The following MUSK variants were observed in gnomAD, a reference collection of about 807,000 sequenced individuals.
MUSK encodes muscle, skeletal receptor tyrosine-protein kinase.
MUSK carries 55 observed loss-of-function variants against 88.7 expected under a neutral mutation model. The observed-to-expected ratio is 0.62, with a 90% CI of 0.50 to 0.78. The LOEUF (loss-of-function observed/expected upper bound fraction) is 0.78. Ranked by LOEUF, MUSK falls within the 30% of genes least tolerant of loss-of-function variation. MUSK has a pLI of 0.00. For missense variants in MUSK, 1,015 were observed against 1,074.3 expected (o/e 0.94, Z 0.77); for synonymous variants, 387 against 391.9 (o/e 0.99, Z 0.15).
rs77798024 is a variant in MUSK at position 110,741,702 on chromosome 9, T to C, written c.754-5939T>C. Among the ~76,000 whole-genome samples, 650 of 152,346 alleles carry C rather than the reference T, an allele frequency of 4.3e-3. 5 individuals carry two copies. The highest frequency in any genetic ancestry group is 5.0e-3 in the Non-Finnish European group (343 of 68,038). On this transcript the variant is annotated intron_variant, in intron 6 of 14. Transcript: ENST00000374448. ...AATCATTTTTTTCGTAATTTGTTAA[T>C]AAAATTGTTTCATTTTATCTGTCTA...
At position 110,775,931 on chromosome 9, in the gene MUSK, A is replaced by G. The variant is rs1476938314; in HGVS notation, c.1328A>G (p.Asp443Gly). 6.2e-7 allele frequency: 1 copy of G among 1,613,862 alleles called. No individual in the cohort carries two copies. Among genetic ancestry groups the G allele is most frequent in the South Asian group, 1.1e-5 (1 of 91,082 alleles). ...ECSKLPSMHW[D>G]PTACARLPHL... ...AGCAAGCTTCCCAGCATGCATTGGGACCCCACGGCCTGTGCCAGACTGCCA... is the reference window on the plus strand; with the variant it reads ...AGCAAGCTTCCCAGCATGCATTGGGGCCCCACGGCCTGTGCCAGACTGCCA... The change falls in exon 10 of 15, where the codon GAC (aspartate) becomes GGC (glycine). Residue 443 changes from aspartate to glycine, a missense_variant. By Grantham distance (94) the Asp-to-Gly change is moderately conservative. Coordinates refer to ENST00000374448, the MANE Select transcript of MUSK (RefSeq NM_005592.4).
chr9:110,770,174 G>C (rs2077547606), intron 9 of MUSK, among the ~76,000 whole-genome samples: 1 of 150,108 alleles, frequency 6.7e-6, no homozygotes, highest in African/African-American at 2.4e-5. Flanking sequence ...AATTTCGCAG[G>C]TTTTCATCTT....
chr9:110,712,410 C>G (rs182898420), intron 5 of MUSK, among the ~76,000 whole-genome samples: 104 of 152,168 alleles, frequency 6.8e-4, no homozygotes, highest in Non-Finnish European at 1.3e-3. Context: ...TATCAATATA[C>G]CTTCCTTAAG....
intron 8 of MUSK, among the ~76,000 whole-genome samples, chr9:110,763,200 CATT>C (rs1323268203): frequency 6.6e-6 from 1 of 151,960 alleles, no homozygotes; most frequent in Admixed American, 6.6e-5. Context: ...TCATGATACA[CATT>C]ATATGAAAAA....
chr9:110,711,462 G>A (rs2076670577), intron 5 of MUSK, among the ~76,000 whole-genome samples: 1 of 152,134 alleles, frequency 6.6e-6, no homozygotes, highest in South Asian at 2.1e-4. Flanking sequence ...TGTAAGGGAG[G>A]TCACTTTCAT....
At chr9:110,783,196 G>A (rs768236518) in intron 11 of MUSK, among the ~76,000 whole-genome samples, 54 of 152,056 alleles carry the variant, frequency 3.6e-4, no homozygotes, top group African/African-American at 3.1e-4. Flanking sequence ...CTAATATTTC[G>A]TTTAGGATCT....
chr9:110,778,462 A>G (rs745893097), intron 11 of MUSK, among the ~76,000 whole-genome samples: 5 of 152,018 alleles, frequency 3.3e-5, no homozygotes, highest in Non-Finnish European at 7.4e-5. Flanking sequence ...TTTTCCTTCC[A>G]TCTTTGCTCT....
At chr9:110,704,714 G>A (rs563757486) in intron 5 of MUSK, among the ~76,000 whole-genome samples, 2 of 151,548 alleles carry the variant, frequency 1.3e-5, no homozygotes, top group East Asian at 2.0e-4. Flanking sequence ...GTCCCGGCAC[G>A]ATGGCTCACG....
chr9:110,748,450 A>G (rs2077206381), intron 7 of MUSK, among the ~76,000 whole-genome samples: 1 of 152,190 alleles, frequency 6.6e-6, no homozygotes, highest in Non-Finnish European at 1.5e-5. Flanking sequence ...TTTTCAAGAA[A>G]AAGGCTGACA....
In MUSK at chr9:110,805,129, T is replaced by C. The variant is rs1052244693; in HGVS notation, c.*4141T>C. ...ATTTCTATTTTTCCATTATAAAATGTAATGTTTGGATCATCCTGTTGCTAA... is the reference window on the plus strand; with the variant it reads ...ATTTCTATTTTTCCATTATAAAATGCAATGTTTGGATCATCCTGTTGCTAA... On this transcript the variant is annotated 3_prime_UTR_variant, in exon 15 of 15. Transcript: ENST00000374448. Among the ~76,000 whole-genome samples the C allele has an allele frequency of 2.0e-5, 3 of 151,940 alleles. No homozygotes were observed. The highest frequency in any genetic ancestry group is 2.1e-4 in the South Asian group (1 of 4,824).
chr9:110,707,495 G>A (rs2076614491), intron 5 of MUSK, among the ~76,000 whole-genome samples: 2 of 152,182 alleles, frequency 1.3e-5, no homozygotes, highest in African/African-American at 2.4e-5. Context: ...CTGGCTGAAT[G>A]TAGTGTACTT....
At chr9:110,770,539 T>C (rs575781438) in intron 9 of MUSK, among the ~76,000 whole-genome samples, 3 of 148,292 alleles carry the variant, frequency 2.0e-5, no homozygotes, top group Admixed American at 1.4e-4. Flanking sequence ...TAATTATTTT[T>C]AAATATAAAA....
At chr9:110,786,597 T>G (rs953437324) in intron 13 of MUSK, among the ~76,000 whole-genome samples, 2 of 152,138 alleles carry the variant, frequency 1.3e-5, no homozygotes, top group Non-Finnish European at 2.9e-5. Flanking sequence ...ATTTCTTACA[T>G]TGTTTTAAAT....
chr9:110,689,247 AC>A (rs1295089836), intron 3 of MUSK, among the ~76,000 whole-genome samples: 1 of 116,238 alleles, frequency 8.6e-6, no homozygotes, highest in Non-Finnish European at 1.6e-5. Context: ...AAATATATAA[AC>A]TATATATTTA....
chr9:110,687,698 T>C (rs909733633), intron 3 of MUSK, among the ~76,000 whole-genome samples: 2 of 152,118 alleles, frequency 1.3e-5, no homozygotes, highest in African/African-American at 4.8e-5. Flanking sequence ...GATTCAGCAC[T>C]GAGACAAGTT....
chr9:110,675,474 G>A (rs1401525209), intron 1 of MUSK, among the ~76,000 whole-genome samples: 19 of 150,580 alleles, frequency 1.3e-4, no homozygotes, highest in African/African-American at 4.7e-4. Flanking sequence ...GCCCGCCTCG[G>A]CCTCTCAAAG....
intron 5 of MUSK, among the ~76,000 whole-genome samples, chr9:110,725,314 T>C (rs1040302111): frequency 4.6e-5 from 7 of 151,968 alleles, no homozygotes; most frequent in African/African-American, 7.2e-5. Context: ...GTTTCATTCT[T>C]GTTAGGTGGA....
At chr9:110,676,289 A>ATG (rs1002148756) in intron 1 of MUSK, among the ~76,000 whole-genome samples, 2 of 138,354 alleles carry the variant, frequency 1.4e-5, no homozygotes, top group African/African-American at 2.6e-5. Flanking sequence ...TCTCTCATAT[A>ATG]TGTGTGTGTG....
intron 7 of MUSK, chr9:110,748,126 C>T (rs963627716): frequency 2.4e-6 from 1 of 420,266 alleles, no homozygotes; most frequent in Non-Finnish European, 4.7e-6. Context: ...CCCTCCCTCG[C>T]TCCCTTTTTT....
Sources: gnomAD v4.1 joint callset for allele counts (sites outside exome capture counted in the v4.1 genomes callset) on GRCh38, gnomAD v4.1.1 for gene constraint, MANE v1.5 for transcripts, NCBI Gene and HGNC (gene_info 2026-07-23, HGNC 2026-07-21) for gene names.